Variants in GRM1 observed in about 807,000 individuals in gnomAD.
GRM1 encodes the protein glutamate metabotropic receptor 1.
A neutral mutation model predicts 90.9 loss-of-function variants in GRM1; 33 were observed. The observed-to-expected ratio is 0.36, with a 90% confidence interval of 0.28 to 0.49. GRM1 has a LOEUF of 0.49. Ranked by LOEUF, GRM1 falls within the 20% of genes least tolerant of loss-of-function variation. GRM1 has a pLI of 0.99. For missense variants in GRM1, 1,190 were observed against 1,534.3 expected (o/e 0.78, Z 3.75); for synonymous variants, 700 against 613.2 (o/e 1.14, Z -2.09).
intron 4 of GRM1, among the ~76,000 whole-genome samples, chr6:146,353,289 G>A (rs1785469694): frequency 6.6e-6 from 1 of 152,072 alleles, no homozygotes; most frequent in Non-Finnish European, 1.5e-5. Context: ...ACACCTTCAG[G>A]AAGAAGGAAA....
intron 2 of GRM1, among the ~76,000 whole-genome samples, chr6:146,210,788 C>A (rs1005008348): frequency 6.6e-6 from 1 of 152,134 alleles, no homozygotes; most frequent in Admixed American, 6.5e-5. Context: ...ATAAGGGAGA[C>A]TAATTTCACG....
chr6:146,036,854 C>A (rs1022234443), intron 1 of GRM1, among the ~76,000 whole-genome samples: 1 of 151,668 alleles, frequency 6.6e-6, no homozygotes, highest in Non-Finnish European at 1.5e-5. Context: ...TAAATAAACA[C>A]GTGACTATTA....
intron 3 of GRM1, among the ~76,000 whole-genome samples, chr6:146,340,056 C>T (rs1480645559): frequency 2.6e-5 from 4 of 152,156 alleles, no homozygotes; most frequent in East Asian, 3.9e-4. Context: ...ACTCAGCAGT[C>T]GTTGAGGCAT....
At chr6:146,096,702 G>A (rs533318653) in intron 1 of GRM1, among the ~76,000 whole-genome samples, 1 of 152,112 alleles carries the variant, frequency 6.6e-6, no homozygotes, top group Admixed American at 6.6e-5. Context: ...TATTAGATGG[G>A]TGCTAATTCT....
rs1420684585 is a variant in GRM1 at position 146,424,084 on chromosome 6, G to A, written c.2661-9788G>A. Reference sequence around the variant, plus strand: ...CAGAGGTCATAGGGAAGTTGAACCGGTTACCTCTCTTTCTCATGTCCTCTT... The same window carrying A: ...CAGAGGTCATAGGGAAGTTGAACCGATTACCTCTCTTTCTCATGTCCTCTT... On this transcript the variant is annotated intron_variant, in intron 7 of 7. Transcript: ENST00000282753. Among the ~76,000 whole-genome samples the A allele has an allele frequency of 2.0e-5, 3 of 152,236 alleles. No individual in the cohort carries two copies. The South Asian group carries it at 6.2e-4, about 32-fold the overall frequency.
chr6:146,353,929 G>C (rs1159499495), intron 4 of GRM1, among the ~76,000 whole-genome samples: 1 of 152,186 alleles, frequency 6.6e-6, no homozygotes, highest in Non-Finnish European at 1.5e-5. Context: ...ACTTTGCCCG[G>C]CCTGGCAACC....
chr6:146,241,180 G>C (rs1016267359), intron 2 of GRM1, among the ~76,000 whole-genome samples: 1 of 152,110 alleles, frequency 6.6e-6, no homozygotes, highest in African/African-American at 2.4e-5. Flanking sequence ...AGGGAAATGA[G>C]GATCATTCTT....
At chr6:146,066,415 A>G (rs1255854919) in intron 1 of GRM1, among the ~76,000 whole-genome samples, 1 of 152,152 alleles carries the variant, frequency 6.6e-6, no homozygotes, top group Non-Finnish European at 1.5e-5. Context: ...TAATGGTTGT[A>G]TAGTACTCCA....
intron 3 of GRM1, among the ~76,000 whole-genome samples, chr6:146,340,949 G>T (rs1784954182): frequency 6.6e-6 from 1 of 152,140 alleles, no homozygotes; most frequent in Non-Finnish European, 1.5e-5. Flanking sequence ...AAAACAACAG[G>T]CCCCAAAATA....
intron 1 of GRM1, among the ~76,000 whole-genome samples, chr6:146,093,582 T>G (rs1582992346): frequency 6.6e-6 from 1 of 152,124 alleles, no homozygotes; most frequent in African/African-American, 2.4e-5. Flanking sequence ...TACATCACAC[T>G]GTTTTATATC....
At chr6:146,111,854 C>T (rs568158837) in intron 1 of GRM1, among the ~76,000 whole-genome samples, 10 of 152,130 alleles carry the variant, frequency 6.6e-5, no homozygotes, top group Non-Finnish European at 1.2e-4. Context: ...CAGAAAAGCT[C>T]GTGATACAAT....
At chr6:146,253,765 C>A (rs959992045) in intron 2 of GRM1, among the ~76,000 whole-genome samples, 12 of 152,142 alleles carry the variant, frequency 7.9e-5, no homozygotes, top group Non-Finnish European at 1.5e-5. Context: ...GAACTATTCA[C>A]TGACAAATCT....
intron 3 of GRM1, among the ~76,000 whole-genome samples, chr6:146,320,760 G>A (rs1185360536): frequency 6.6e-6 from 1 of 152,122 alleles, no homozygotes; most frequent in Non-Finnish European, 1.5e-5. Flanking sequence ...TTGCGTAGAG[G>A]TGTTTATTCT....
chr6:146,237,197 A>C lies in GRM1; in HGVS notation c.951-67414A>C, dbSNP rs1445379512. Among the ~76,000 whole-genome samples, 5 of 152,150 alleles carry C rather than the reference A, an allele frequency of 3.3e-5. No homozygotes were observed. In the South Asian group the frequency reaches 1.0e-3, roughly 32 times the overall value. On this transcript the variant is annotated intron_variant, in intron 2 of 7. Coordinates refer to ENST00000282753, the MANE Select transcript of GRM1 (RefSeq NM_001278064.2). ...TGCAGATTTTCCTATATATTTTTTTAAACTTAAAGGGGAAAGTTACACTAC... is the reference window on the plus strand; with the variant it reads ...TGCAGATTTTCCTATATATTTTTTTCAACTTAAAGGGGAAAGTTACACTAC...
intron 5 of GRM1, among the ~76,000 whole-genome samples, chr6:146,363,954 GAGGAAATGGC>G (rs763910295): frequency 6.6e-6 from 1 of 152,228 alleles, no homozygotes; most frequent in Non-Finnish European, 1.5e-5. Context: ...TTGGAAGGTT[GAGGAAATGGC>G]AGCCTAAAAA....
intron 1 of GRM1, among the ~76,000 whole-genome samples, chr6:146,104,739 G>C (rs960370191): frequency 1.3e-5 from 2 of 152,186 alleles, no homozygotes; most frequent in South Asian, 4.1e-4. Context: ...ACACACAAGT[G>C]GGGATACATT....
intron 2 of GRM1, among the ~76,000 whole-genome samples, chr6:146,280,420 T>C (rs1351910737): frequency 6.6e-6 from 1 of 152,226 alleles, no homozygotes; most frequent in East Asian, 1.9e-4. Context: ...ATTAGTATCA[T>C]TCTGTTTGGA....
At chr6:146,202,828 C>G (rs1045456095) in intron 2 of GRM1, among the ~76,000 whole-genome samples, 1 of 152,218 alleles carries the variant, frequency 6.6e-6, no homozygotes, top group Non-Finnish European at 1.5e-5. Flanking sequence ...AAAAATTAGT[C>G]GAAGGCTCTA....
chr6:146,343,235 C>G (rs1785045019), intron 3 of GRM1, among the ~76,000 whole-genome samples: 1 of 152,080 alleles, frequency 6.6e-6, no homozygotes, highest in South Asian at 2.1e-4. Context: ...TATATATGAT[C>G]AATTTATCAG....
Sources: allele counts gnomAD v4.1 joint callset (sites outside exome capture counted in the v4.1 genomes callset), GRCh38; gene constraint gnomAD v4.1.1; transcripts MANE v1.5; gene names NCBI Gene and HGNC (gene_info 2026-07-23, HGNC 2026-07-21).